The following CFAP70 variants were observed in gnomAD, a reference collection of about 807,000 sequenced individuals.
CFAP70 encodes the protein cilia- and flagella-associated protein 70.
CFAP70 carries 81 observed loss-of-function variants against 137.6 expected under a neutral mutation model. The observed-to-expected ratio is 0.59, with a 90% CI of 0.49 to 0.71. The LOEUF (loss-of-function observed/expected upper bound fraction) is 0.71, where lower values mean the gene tolerates loss of function less well. Ranked by LOEUF, CFAP70 falls within the 30% of genes least tolerant of loss-of-function variation. The pLI is 0.00. For synonymous variants in CFAP70, 382 were observed against 423.6 expected, an observed-to-expected ratio of 0.90 and a Z score of 1.20; for missense variants, 976 against 1,226.7, an observed-to-expected ratio of 0.80 and a Z score of 3.05.
At chr10:73,263,034 AT>A (rs1371569639) in intron 25 of CFAP70, among the ~76,000 whole-genome samples, 1 of 152,228 alleles carries the variant, frequency 6.6e-6, no homozygotes, top group Non-Finnish European at 1.5e-5. Context: ...GAATACTATT[AT>A]CTAATCTATA....
intron 1 of CFAP70, among the ~76,000 whole-genome samples, chr10:73,357,143 G>C (rs1312340700): frequency 1.3e-5 from 2 of 152,148 alleles, no homozygotes; most frequent in Admixed American, 1.3e-4. Context: ...AATGAGAGAA[G>C]CAAGGAAATT....
rs116687341 is a variant in CFAP70 at position 73,282,010 on chromosome 10, C to A, written c.2240-3673G>T. On this transcript the variant is annotated intron_variant, in intron 19 of 26. Coordinates refer to ENST00000310715, the Ensembl canonical transcript of CFAP70. ...GTGGGGAAAAGGGGCTGACTGGGTT[C>A]TCCCCCAGCTCCTCCTAATGAAAAG... Among the ~76,000 whole-genome samples the A allele has an allele frequency of 7.9e-3, 1,202 of 152,330 alleles. 13 individuals carry two copies. The highest frequency in any genetic ancestry group is 0.027 in the African/African-American group (1,136 of 41,568).
At chr10:73,348,340 A>T in intron 4 of CFAP70, 83 bp downstream of exon 4, 1 of 1,519,144 alleles carries the variant, frequency 6.6e-7, no homozygotes, top group South Asian at 1.1e-5. Flanking sequence ...CCTCAAATTC[A>T]TTGAGGCTAA....
At chr10:73,304,325 A>C (rs1015835537) in intron 12 of CFAP70, among the ~76,000 whole-genome samples, 9 of 152,308 alleles carry the variant, frequency 5.9e-5, no homozygotes, top group Admixed American at 2.6e-4. Context: ...AAGGGCTGGG[A>C]TTACAGGCGT....
At chr10:73,309,631 T>C (rs1370481806) in intron 12 of CFAP70, among the ~76,000 whole-genome samples, 1 of 151,512 alleles carries the variant, frequency 6.6e-6, no homozygotes, top group Non-Finnish European at 1.5e-5. Context: ...TTTTATATAC[T>C]TTCTTGTTCA....
chr10:73,299,704 A>T lies in CFAP70; in HGVS notation c.1257-39T>A, dbSNP rs200278548. The T allele has an allele frequency of 1.9e-4, 290 of 1,516,304 alleles. 6 individuals are homozygous for T. The highest frequency in any genetic ancestry group is 1.8e-5 in the Admixed American group (1 of 55,548). The allele number at this position is 1,516,304 out of a possible 1,614,324, so 93.9% of individuals were successfully genotyped here. A position where few individuals can be genotyped will look rare whatever the true frequency, so the allele number is the denominator to read the frequency against. On this transcript the variant is annotated intron_variant, in intron 12 of 26. Coordinates refer to ENST00000310715, the Ensembl canonical transcript of CFAP70. Reference sequence around the variant, plus strand: ...GAAAAAAAATAAAAAAACAAAAAAAAATTTATTATCTACAGATGTATATTT... The same window carrying T: ...GAAAAAAAATAAAAAAACAAAAAAATATTTATTATCTACAGATGTATATTT...
chr10:73,362,260 A>T (rs1037598747), upstream of CFAP70, among the ~76,000 whole-genome samples: 2 of 152,222 alleles, frequency 1.3e-5, no homozygotes, highest in Admixed American at 1.3e-4. Context: ...AAATAACTCA[A>T]AATGGACCAA....
At chr10:73,282,588 C>T (rs982736892) in intron 19 of CFAP70, among the ~76,000 whole-genome samples, 1 of 151,706 alleles carries the variant, frequency 6.6e-6, no homozygotes, top group African/African-American at 2.4e-5. Context: ...TCAGTAGAGA[C>T]AGGGGTTTTA....
At chr10:73,326,369 C>T (rs1353530143) in intron 8 of CFAP70, among the ~76,000 whole-genome samples, 2 of 145,614 alleles carry the variant, frequency 1.4e-5, no homozygotes, top group African/African-American at 5.2e-5. Flanking sequence ...CACTAAATGC[C>T]CACAAGAGAA....
chr10:73,349,540 C>CT (rs1466483001), intron 3 of CFAP70, among the ~76,000 whole-genome samples: 2 of 148,546 alleles, frequency 1.3e-5, no homozygotes, highest in Non-Finnish European at 3.0e-5. Flanking sequence ...GAGACTCCGT[C>CT]TCAAAAAAAA....
At chr10:73,312,719 A>C in intron 9 of CFAP70, 76 bp from the exon 11 acceptor site, 8 of 1,281,974 alleles carry the variant, frequency 6.2e-6, no homozygotes, top group Non-Finnish European at 7.4e-6. Context: ...ATTTTTTTTT[A>C]CCATTTAGTC....
At chr10:73,288,425 CT>C (rs1390580747) in intron 19 of CFAP70, among the ~76,000 whole-genome samples, 1 of 152,056 alleles carries the variant, frequency 6.6e-6, no homozygotes, top group Non-Finnish European at 1.5e-5. Context: ...TCTTACCTGT[CT>C]AATATATCTC....
chr10:73,354,009 AT>A (rs1455398467), intron 2 of CFAP70, among the ~76,000 whole-genome samples: 2 of 150,374 alleles, frequency 1.3e-5, no homozygotes, highest in Non-Finnish European at 1.5e-5. Flanking sequence ...ACTGTGGAAC[AT>A]TTTTTTTTCT....
At chr10:73,348,961 C>A (rs552620808) in intron 3 of CFAP70, among the ~76,000 whole-genome samples, 2 of 151,850 alleles carry the variant, frequency 1.3e-5, no homozygotes, top group East Asian at 1.9e-4. Flanking sequence ...ACTCGGGAGA[C>A]CGAGGCAGGA....
intron 1 of CFAP70, among the ~76,000 whole-genome samples, chr10:73,355,952 T>G (rs2054644103): frequency 6.6e-6 from 1 of 152,178 alleles, no homozygotes; most frequent in Admixed American, 6.5e-5. Context: ...CTGTTCACAG[T>G]GTTCTCTGGT....
chr10:73,302,088 C>T (rs554189441), intron 12 of CFAP70, among the ~76,000 whole-genome samples: 122 of 152,232 alleles, frequency 8.0e-4, no homozygotes, highest in Admixed American at 2.6e-3. Context: ...TGAGGGACTA[C>T]TATGGCTCTG....
chr10:73,291,511 T>G, intron 18 of CFAP70, 67 bp from the exon 20 acceptor site: 1 of 1,526,468 alleles, frequency 6.6e-7, no homozygotes. Context: ...AAGAATTGTA[T>G]TTCACTTATT....
chr10:73,359,327 G>C (rs900527029), upstream of CFAP70, among the ~76,000 whole-genome samples: 1 of 152,202 alleles, frequency 6.6e-6, no homozygotes, highest in Non-Finnish European at 1.5e-5. Context: ...TAGTGGATGA[G>C]TGGACCAATA....
At chr10:73,307,606 C>T (rs955288640) in intron 12 of CFAP70, among the ~76,000 whole-genome samples, 2 of 151,928 alleles carry the variant, frequency 1.3e-5, no homozygotes, top group Admixed American at 6.6e-5. Flanking sequence ...AAAGAGGGTA[C>T]AAGAGACAAA....
Sources: allele counts gnomAD v4.1 joint callset (sites outside exome capture counted in the v4.1 genomes callset), GRCh38; gene constraint gnomAD v4.1.1; transcripts MANE v1.5; gene names NCBI Gene and HGNC (gene_info 2026-07-23, HGNC 2026-07-21).